Variants in SLC17A1 observed in about 807,000 individuals in gnomAD.
SLC17A1 encodes the protein sodium-dependent phosphate transport protein 1.
SLC17A1 carries 51 observed loss-of-function variants against 53.5 expected under a neutral mutation model. That is an observed-to-expected ratio of 0.95 (90% CI 0.76 to 1.20). The LOEUF is 1.20. SLC17A1 is among the 50% of genes most tolerant of loss of function. SLC17A1 has a pLI of 0.00. For synonymous variants in SLC17A1, 179 were observed against 198.8 expected, an observed-to-expected ratio of 0.90 and a Z score of 0.84; for missense variants, 538 against 568.2, an observed-to-expected ratio of 0.95 and a Z score of 0.54.
the SLC17A1 span, among the ~76,000 whole-genome samples, chr6:25,735,277 G>A: frequency 2.0e-5 from 3 of 152,212 alleles, no homozygotes; most frequent in African/African-American, 7.2e-5. Context: ...GGAAAATAGG[G>A]AATGTAGGGG....
chr6:25,753,055 A>G, the SLC17A1 span, among the ~76,000 whole-genome samples: 1 of 152,340 alleles, frequency 6.6e-6, no homozygotes, highest in Non-Finnish European at 1.5e-5. Context: ...AAAAAGATTT[A>G]TTAAAACTAA....
chr6:25,732,614 C>CGACA, the SLC17A1 span: 2 of 1,099,966 alleles, frequency 1.8e-6, no homozygotes, highest in Non-Finnish European at 2.6e-6. Context: ...ACCTGGCCTC[C>CGACA]GACACCCTGG....
At chr6:25,748,641 C>A in the SLC17A1 span, among the ~76,000 whole-genome samples, 1 of 152,128 alleles carries the variant, frequency 6.6e-6, no homozygotes, top group African/African-American at 2.4e-5. Context: ...CGGCACCGGT[C>A]TCTGAGTTTC....
chr6:25,740,052 A>G, the SLC17A1 span, among the ~76,000 whole-genome samples: 1 of 152,180 alleles, frequency 6.6e-6, no homozygotes, highest in Non-Finnish European at 1.5e-5. Flanking sequence ...CTTCCTGTGA[A>G]CCTATAATTA....
At chr6:25,755,089 AGAAAG>A in the SLC17A1 span, among the ~76,000 whole-genome samples, 11 of 143,906 alleles carry the variant, frequency 7.6e-5, no homozygotes, top group African/African-American at 2.7e-4. Context: ...ACACAGAGGA[AGAAAG>A]AGAGAGAGGA....
the SLC17A1 span, among the ~76,000 whole-genome samples, chr6:25,746,021 G>A: frequency 1.3e-5 from 2 of 152,142 alleles, no homozygotes; most frequent in African/African-American, 4.8e-5. Flanking sequence ...AAGACAGAGA[G>A]GATCACTCAT....
chr6:25,749,247 A>G, the SLC17A1 span, among the ~76,000 whole-genome samples: 2 of 152,216 alleles, frequency 1.3e-5, no homozygotes, highest in African/African-American at 4.8e-5. Context: ...TTTACCAAGC[A>G]TACTGCCTGT....
chr6:25,746,482 T>G, the SLC17A1 span, among the ~76,000 whole-genome samples: 30 of 152,236 alleles, frequency 2.0e-4, no homozygotes, highest in African/African-American at 7.0e-4. Context: ...AAACTGGGGG[T>G]AATGGGATAA....
the SLC17A1 span, chr6:25,727,352 C>A: frequency 7.0e-7 from 1 of 1,435,364 alleles, no homozygotes; most frequent in Non-Finnish European, 9.4e-7. Context: ...CTTAAACATA[C>A]TGAAACAGCT....
At chr6:25,824,916 C>A (rs1400198160) in intron 3 of SLC17A1, among the ~76,000 whole-genome samples, 1 of 151,860 alleles carries the variant, frequency 6.6e-6, no homozygotes, top group Non-Finnish European at 1.5e-5. Context: ...TGTTTAGAAT[C>A]ATTTGTTTTT....
the SLC17A1 span, among the ~76,000 whole-genome samples, chr6:25,776,073 GT>G: frequency 6.6e-6 from 1 of 151,916 alleles, no homozygotes; most frequent in African/African-American, 2.4e-5. Context: ...TATATTTGTT[GT>G]CAAATTGCCC....
At chr6:25,755,679 A>G in the SLC17A1 span, among the ~76,000 whole-genome samples, 1 of 152,172 alleles carries the variant, frequency 6.6e-6, no homozygotes, top group Non-Finnish European at 1.5e-5. Flanking sequence ...TGACTCACAC[A>G]TTTATATTTC....
chr6:25,734,698 T>G, the SLC17A1 span, among the ~76,000 whole-genome samples: 1 of 152,260 alleles, frequency 6.6e-6, no homozygotes, highest in Non-Finnish European at 1.5e-5. Context: ...CAAACCTGTT[T>G]GCTAAAGGAA....
the SLC17A1 span, among the ~76,000 whole-genome samples, chr6:25,764,370 C>T: frequency 1.6e-4 from 25 of 152,210 alleles, no homozygotes; most frequent in South Asian, 2.1e-4. Flanking sequence ...TACTGCCCCC[C>T]ACCATGGGGA....
At position 25,831,036 on chromosome 6, in the gene SLC17A1, A is replaced by G. The variant is rs68078188; in HGVS notation, c.-50-429T>C. Among the ~76,000 whole-genome samples the G allele has an allele frequency of 8.9e-3, 1,353 of 152,264 alleles. 17 individuals are homozygous for G. The highest frequency in any genetic ancestry group is 0.029 in the African/African-American group (1,225 of 41,534). ...CAGAAAAGGAGTAAGCAAAGGTAAA[A>G]CAAATTCCTTTTTTCCCCCTGTATC... On this transcript the variant is annotated intron_variant, in intron 1 of 12. Transcript: ENST00000244527.
At chr6:25,828,705 T>C (rs1764838555) in intron 2 of SLC17A1, among the ~76,000 whole-genome samples, 1 of 152,146 alleles carries the variant, frequency 6.6e-6, no homozygotes, top group Non-Finnish European at 1.5e-5. Context: ...ATAAATATTT[T>C]ACATCATCTT....
the SLC17A1 span, among the ~76,000 whole-genome samples, chr6:25,730,698 G>A: frequency 6.6e-6 from 1 of 152,204 alleles, no homozygotes; most frequent in African/African-American, 2.4e-5. Flanking sequence ...ATTCCGCGAT[G>A]TATACATATT....
intron 8 of SLC17A1, 151 bp from the exon 9 acceptor site, chr6:25,811,921 A>C: frequency 1.3e-6 from 1 of 797,562 alleles, no homozygotes. Context: ...TGCTGGGACC[A>C]CATTACCCAA....
chr6:25,798,854 A>T lies in SLC17A1; in HGVS notation c.1335T>A (p.Ile445=), dbSNP rs775670527. ...LMAAINVTGL[I]FYLIVATAEI... ...CTGCTGTAGCAACTATAAGGTAGAA[A>T]ATTAGGCCAGTCACATTAATGGCTG... Residue 445 remains isoleucine (I), a synonymous_variant, in exon 12 of 13, where the codon ATT becomes ATA. Transcript: ENST00000244527. The T allele has an allele frequency of 7.5e-6, 12 of 1,610,668 alleles. No individual in the cohort carries two copies. The highest frequency in any genetic ancestry group is 1.0e-5 in the Non-Finnish European group (12 of 1,177,830).
Sources: allele counts gnomAD v4.1 joint callset (sites outside exome capture counted in the v4.1 genomes callset), GRCh38; gene constraint gnomAD v4.1.1; transcripts MANE v1.5; gene names NCBI Gene and HGNC (gene_info 2026-07-23, HGNC 2026-07-21).